The following RFX6 variants were observed in gnomAD, a reference collection of about 807,000 sequenced individuals.
The protein encoded by RFX6 is DNA-binding protein RFX6.
Under a neutral mutation model 110.8 loss-of-function variants are expected in RFX6, and 50 were observed. That is an observed-to-expected ratio of 0.45 (90% CI 0.36 to 0.57). The LOEUF is 0.57. Ranked by LOEUF, RFX6 falls within the 20% of genes least tolerant of loss-of-function variation. The pLI, the probability that RFX6 is intolerant of heterozygous loss-of-function variation, is 0.00. For missense variants in RFX6, 990 were observed against 1,127.0 expected, an observed-to-expected ratio of 0.88 and a Z score of 1.74; for synonymous variants, 383 against 411.2, an observed-to-expected ratio of 0.93 and a Z score of 0.83.
chr6:116,897,405 CA>C (rs1235746277), intron 6 of RFX6, among the ~76,000 whole-genome samples: 1 of 152,008 alleles, frequency 6.6e-6, no homozygotes, highest in Non-Finnish European at 1.5e-5. Flanking sequence ...TGCCAAATGT[CA>C]ACTACTGGCA....
chr6:116,905,180 C>A (rs1775170686), intron 6 of RFX6, among the ~76,000 whole-genome samples: 1 of 152,134 alleles, frequency 6.6e-6, no homozygotes, highest in Admixed American at 6.5e-5. Context: ...CTTGACAACA[C>A]TTGTTATTTT....
intron 4 of RFX6, among the ~76,000 whole-genome samples, chr6:116,889,168 A>T (rs1774765867): frequency 1.3e-5 from 2 of 152,268 alleles, no homozygotes; most frequent in Middle Eastern, 3.4e-3. Context: ...TATATTGTTT[A>T]CGTATGCAAC....
At chr6:116,885,787 A>G (rs376818580) in intron 4 of RFX6, among the ~76,000 whole-genome samples, 3 of 152,272 alleles carry the variant, frequency 2.0e-5, no homozygotes. Flanking sequence ...TCAGAGAACA[A>G]ACAACACTTT....
rs1402948855 is a variant in RFX6 at position 116,887,446 on chromosome 6, A to G, written c.566+5018A>G. ...CCAGCGGCAGACACTGTACATTCCC[A>G]ATACCAAGATAAAAATTGACTTTAC... On this transcript the variant is annotated intron_variant, in intron 4 of 18. Transcript: ENST00000332958. Among the ~76,000 whole-genome samples the G allele has an allele frequency of 2.6e-5, 4 of 152,174 alleles. No homozygotes were observed. In the East Asian group the frequency reaches 7.7e-4, roughly 29 times the overall value.
chr6:116,924,334 T>G (rs757810173), intron 14 of RFX6, among the ~76,000 whole-genome samples: 1 of 152,190 alleles, frequency 6.6e-6, no homozygotes, highest in Non-Finnish European at 1.5e-5. Context: ...AAGTTGAAGC[T>G]TATCACACTC....
intron 2 of RFX6, among the ~76,000 whole-genome samples, chr6:116,878,538 G>T (rs1271786462): frequency 1.3e-5 from 2 of 152,042 alleles, no homozygotes; most frequent in East Asian, 1.9e-4. Context: ...ATTGGATTTT[G>T]TGGAAAATCT....
chr6:116,919,394 C>T, intron 11 of RFX6, 98 bp downstream of exon 11: 2 of 1,105,440 alleles, frequency 1.8e-6, no homozygotes, highest in Non-Finnish European at 2.8e-6. Flanking sequence ...TTGAAGGGAG[C>T]TAAGTAGACA....
intron 6 of RFX6, among the ~76,000 whole-genome samples, chr6:116,896,552 A>T (rs1185405072): frequency 6.6e-6 from 1 of 151,136 alleles, no homozygotes; most frequent in Non-Finnish European, 1.5e-5. Context: ...AAAAATACAA[A>T]AAATTATTTG....
intron 14 of RFX6, 109 bp from the exon 15 acceptor site, chr6:116,924,560 G>A: frequency 1.0e-6 from 1 of 1,004,598 alleles, no homozygotes; most frequent in Non-Finnish European, 1.6e-6. Context: ...CTTGTAAAGT[G>A]TTGCGAGATG....
rs752364184 is a variant in RFX6, at chr6:116,920,424, A to T, written c.1297A>T (p.Thr433Ser). ...AGCCCTTCTTACCATTTCAGGCAGC[A>T]CAGACACTGAATCTGGTATCTACAC... ...SQALLTISGS[T>S]DTESGIYTEH... Residue 433 changes from threonine (T) to serine (S), a missense_variant, in exon 12 of 19, where the codon ACA becomes TCA. Physicochemically the swap from Thr to Ser is moderately conservative, Grantham distance 58. Around this residue, in one of 5 missense-constraint regions of RFX6, gnomAD observed 45 missense variants for 29.3 expected, o/e 1.53. Coordinates refer to ENST00000332958, the MANE Select transcript of RFX6 (RefSeq NM_173560.4). 6.2e-6 allele frequency: 10 copies of T among 1,613,444 alleles called. No homozygotes were observed. Among genetic ancestry groups the T allele is most frequent in the Middle Eastern group, 1.6e-4 (1 of 6,080 alleles).
intron 6 of RFX6, among the ~76,000 whole-genome samples, chr6:116,908,339 T>G (rs1775253507): frequency 6.6e-6 from 1 of 152,146 alleles, no homozygotes; most frequent in South Asian, 2.1e-4. Flanking sequence ...AAATTGATCT[T>G]GTATTCAGCA....
intron 4 of RFX6, among the ~76,000 whole-genome samples, chr6:116,890,681 C>G (rs1401874339): frequency 1.3e-5 from 2 of 152,146 alleles, no homozygotes; most frequent in Non-Finnish European, 2.9e-5. Flanking sequence ...CTGAGTGTAG[C>G]TGACCAAGTC....
Position 116,927,512 on chromosome 6 carries a change from G to C in RFX6, c.2371G>C (p.Ala791Pro). The change falls in exon 17 of 19, where the codon GCA becomes CCA. Residue 791 changes from alanine (A) to proline (P), a missense_variant. Transcript: ENST00000332958. ...CACAGGAGCTGCCAGCTGCCAAGGA[G>C]CAACACTGCCTCCTAATTCACCAAA... ...SNTGAASCQG[A>P]TLPPNSPNGY... 2 of 1,613,804 alleles carry C rather than the reference G, an allele frequency of 1.2e-6. No homozygotes were observed. The highest frequency in any genetic ancestry group is 1.7e-6 in the Non-Finnish European group (2 of 1,180,008).
chr6:116,923,232 AC>A lies in RFX6; in HGVS notation c.1555+9del, dbSNP rs762480281. On this transcript the variant is annotated intron_variant, in intron 14 of 18. Transcript: ENST00000332958. ...ACAATGCATCCAGTTTTGGTAACAT[AC>A]GTGCATTATAAAACTGTTCTTACAT... is the stretch of plus-strand genomic sequence containing the variant. 6.5e-6 allele frequency: 8 copies of A among 1,231,486 alleles called. No homozygotes were observed. The Admixed American group carries it at 1.2e-4, about 18-fold the overall frequency. 76.3% of individuals were successfully genotyped at this position (1,231,486 alleles called of 1,614,324 possible).
At chr6:116,902,448 A>G (rs936208998) in intron 6 of RFX6, among the ~76,000 whole-genome samples, 1 of 152,074 alleles carries the variant, frequency 6.6e-6, no homozygotes, top group Non-Finnish European at 1.5e-5. Context: ...AATAATTGTT[A>G]CTGTTTTAAA....
chr6:116,927,550 T>G lies in RFX6; in HGVS notation c.2398+11T>G. ...CTAATTCACCAAATGGTATTGATAT[T>G]TAAAAGAATTTTTCTTGGTTTTTGA... On this transcript the variant is annotated intron_variant, in intron 17 of 18. Coordinates refer to ENST00000332958, the MANE Select transcript of RFX6 (RefSeq NM_173560.4). 6.2e-7 allele frequency: 1 copy of G among 1,610,244 alleles called. No homozygotes were observed. Among genetic ancestry groups the G allele is most frequent in the Non-Finnish European group, 8.5e-7 (1 of 1,179,678 alleles).
intron 4 of RFX6, among the ~76,000 whole-genome samples, chr6:116,890,138 T>C (rs1485505083): frequency 2.0e-5 from 3 of 152,134 alleles, no homozygotes; most frequent in Non-Finnish European, 4.4e-5. Context: ...AGATATCTTT[T>C]GCATCTTGAG....
intron 15 of RFX6, 35 bp downstream of exon 15, chr6:116,924,826 CT>C: frequency 6.8e-7 from 1 of 1,461,216 alleles, no homozygotes; most frequent in Non-Finnish European, 9.6e-7. Flanking sequence ...TTGCATATTT[CT>C]TTGTTTTAAT....
chr6:116,930,728 G>GA (rs1198597853), intron 18 of RFX6, among the ~76,000 whole-genome samples: 2 of 152,040 alleles, frequency 1.3e-5, no homozygotes, highest in African/African-American at 4.8e-5. Context: ...GAATAAATTT[G>GA]AAAAAATCAA....
Sources: allele counts gnomAD v4.1 joint callset (sites outside exome capture counted in the v4.1 genomes callset), GRCh38; gene constraint gnomAD v4.1.1; regional missense constraint gnomAD v4.1.1; transcripts MANE v1.5; gene names NCBI Gene and HGNC (gene_info 2026-07-23, HGNC 2026-07-21).